The following IFI16 variants were observed in gnomAD, a reference collection of about 807,000 sequenced individuals.
IFI16 encodes interferon gamma inducible protein 16, also known as gamma-interferon-inducible protein 16.
IFI16 carries 49 observed loss-of-function variants against 68.4 expected under a neutral mutation model. The observed-to-expected ratio is 0.72, with a 90% CI of 0.57 to 0.91. The LOEUF (loss-of-function observed/expected upper bound fraction) is 0.91, where lower values mean the gene tolerates loss of function less well. Among genes scored for constraint, IFI16 ranks in the 40% least tolerant of loss-of-function variants. The probability of loss-of-function intolerance (pLI) is 0.00; values close to 1 mark genes in which losing one functional copy is unlikely to be tolerated. For synonymous variants in IFI16, 307 were observed against 315.0 expected, an observed-to-expected ratio of 0.97 and a Z score of 0.27; for missense variants, 878 against 942.9, an observed-to-expected ratio of 0.93 and a Z score of 0.90.
chr1:159,036,187 C>T (rs1633266), intron 7 of IFI16, among the ~76,000 whole-genome samples: 115,554 of 152,118 alleles, frequency 0.76, 45,657 homozygotes, highest in Admixed American at 0.87. Context: ...GGTTTTAAAA[C>T]CTGTATTCTT....
chr1:159,011,084 T>C (rs73021847), intron 1 of IFI16, among the ~76,000 whole-genome samples: 14,546 of 152,180 alleles, frequency 0.096, 1,165 homozygotes, highest in East Asian at 0.33. Context: ...TCTCCTATTA[T>C]AAAGTTTGCT....
upstream of IFI16, among the ~76,000 whole-genome samples, chr1:159,004,950 A>G (rs1652198429): frequency 6.6e-6 from 1 of 152,212 alleles, no homozygotes; most frequent in Admixed American, 6.5e-5. Flanking sequence ...GAGAAGTAGA[A>G]ACTATCAATG....
intron 6 of IFI16, among the ~76,000 whole-genome samples, chr1:159,023,156 GA>G (rs1227987835): frequency 2.0e-5 from 3 of 152,014 alleles, no homozygotes; most frequent in Non-Finnish European, 4.4e-5. Context: ...TATTATTTTA[GA>G]AAAAGAGTTA....
chr1:159,025,127 G>T (rs1417567964), intron 6 of IFI16, among the ~76,000 whole-genome samples: 1 of 152,154 alleles, frequency 6.6e-6, no homozygotes, highest in Non-Finnish European at 1.5e-5. Flanking sequence ...TGGAAAATAA[G>T]CATATAATTT....
At chr1:159,015,798 T>G (rs1652880685) in intron 2 of IFI16, 74 bp from the exon 3 acceptor site, 1 of 1,095,710 alleles carries the variant, frequency 9.1e-7, no homozygotes, top group African/African-American at 1.6e-5. Context: ...TTGAAACTGC[T>G]TCAGCTGTCG....
At chr1:159,021,640 A>T (rs757467626) in intron 6 of IFI16, among the ~76,000 whole-genome samples, 3 of 152,216 alleles carry the variant, frequency 2.0e-5, no homozygotes, top group Non-Finnish European at 4.4e-5. Context: ...GCTGGATCAA[A>T]TGGTAGATCT....
chr1:159,000,249 G>A, exon 1 of IFI16: 1 of 259,080 alleles, frequency 3.9e-6, no homozygotes, highest in Non-Finnish European at 8.2e-6. Flanking sequence ...AACCTATCCA[G>A]TTCCTCATCG....
chr1:159,005,137 A>G (rs140749112), upstream of IFI16, among the ~76,000 whole-genome samples: 244 of 152,306 alleles, frequency 1.6e-3, no homozygotes, highest in African/African-American at 5.7e-3. Context: ...ATGTGAGGAC[A>G]CAGCAAGAAG....
intron 8 of IFI16, among the ~76,000 whole-genome samples, chr1:159,047,199 C>T (rs565492569): frequency 4.0e-5 from 6 of 151,298 alleles, no homozygotes; most frequent in Non-Finnish European, 7.4e-5. Flanking sequence ...GGTTGCGGAC[C>T]CGAGCACCAT....
Position 159,032,244 on chromosome 1 carries a change from A to G in IFI16, c.1162-280A>G, listed in dbSNP as rs528918132. 5.9e-5 allele frequency among the ~76,000 whole-genome samples: 9 copies of G among 152,324 alleles called. No individual in the cohort carries two copies. In the South Asian group the frequency reaches 1.7e-3, roughly 28 times the overall value. On this transcript the variant is annotated intron_variant, in intron 6 of 11. Coordinates refer to ENST00000295809, the MANE Select transcript of IFI16 (RefSeq NM_001376587.1). ...AAGACAGGTAAAAAGCAGCCCTCCA[A>G]CAAGCTGGCTTTTGTCATAAAGACA...
At chr1:159,047,853 G>C (rs756129631) in intron 8 of IFI16, among the ~76,000 whole-genome samples, 1 of 150,910 alleles carries the variant, frequency 6.6e-6, no homozygotes, top group Non-Finnish European at 1.5e-5. Flanking sequence ...GTATCCTGAA[G>C]TGAACAGTAC....
intron 7 of IFI16, among the ~76,000 whole-genome samples, chr1:159,037,025 G>A (rs189380555): frequency 2.0e-5 from 3 of 152,280 alleles, no homozygotes; most frequent in Admixed American, 6.5e-5. Context: ...ATGACTGTTT[G>A]CCATCTTGCT....
In IFI16 at chr1:159,054,988, C is replaced by T. The variant is rs896000694; in HGVS notation, c.*87C>T. The T allele has an allele frequency of 2.2e-5, 15 of 672,210 alleles. No homozygotes were observed. Among genetic ancestry groups the T allele is most frequent in the African/African-American group, 3.6e-5 (2 of 55,970 alleles). The allele number at this position is 672,210 out of a possible 1,614,324, so 41.6% of individuals were successfully genotyped here. A position where few individuals can be genotyped will look rare whatever the true frequency, so the allele number is the denominator to read the frequency against. On this transcript the variant is annotated 3_prime_UTR_variant, in exon 12 of 12. Transcript: ENST00000295809. ...ACATATACCTGGTTGAAATACAACA[C>T]TATACATACACACCACCATATATAC...
chr1:159,004,241 A>T (rs1652170053), upstream of IFI16, among the ~76,000 whole-genome samples: 2 of 152,138 alleles, frequency 1.3e-5, no homozygotes, highest in South Asian at 2.1e-4. Context: ...TGGGAGGCTG[A>T]GGTAGGTAGA....
At position 159,032,560 on chromosome 1, in the gene IFI16, A is replaced by G. The variant is rs1244897159; in HGVS notation, c.1198A>G (p.Lys400Glu). Reference protein sequence around the residue: ...KKTNPRNNDPKSMKLPQEQRQ... With the variant: ...KKTNPRNNDPESMKLPQEQRQ... ...AACAAACCCGAGAAACAATGACCCC[A>G]AGAGCATGAAGCTACCCCAGGAACA... The change falls in exon 7 of 12, where the codon AAG (lysine) becomes GAG (glutamate). Residue 400 changes from lysine to glutamate, a missense_variant. This residue lies in a region of IFI16 where 443 missense variants were observed against 421.8 expected (regional missense o/e 1.05). Coordinates refer to ENST00000295809, the MANE Select transcript of IFI16 (RefSeq NM_001376587.1). 6.2e-7 allele frequency: 1 copy of G among 1,609,450 alleles called. No individual in the cohort carries two copies. Among genetic ancestry groups the G allele is most frequent in the Non-Finnish European group, 8.5e-7 (1 of 1,177,866 alleles).
chr1:159,050,286 G>A (rs1218343513), intron 9 of IFI16, among the ~76,000 whole-genome samples: 2 of 152,044 alleles, frequency 1.3e-5, no homozygotes, highest in African/African-American at 4.8e-5. Flanking sequence ...GCTTTATGTT[G>A]TTTCCAGTAT....
At chr1:159,047,230 C>T (rs1432633059) in intron 8 of IFI16, among the ~76,000 whole-genome samples, 3 of 151,354 alleles carry the variant, frequency 2.0e-5, no homozygotes, top group African/African-American at 7.3e-5. Context: ...CAGTTGAGAA[C>T]AGGCTTTCTA....
chr1:159,009,542 C>T (rs1652415240), upstream of IFI16, among the ~76,000 whole-genome samples: 1 of 152,108 alleles, frequency 6.6e-6, no homozygotes, highest in African/African-American at 2.4e-5. Flanking sequence ...ATTTGAGCAT[C>T]ATTTAAGGGA....
At chr1:159,050,105 T>A (rs1189923229) in intron 9 of IFI16, among the ~76,000 whole-genome samples, 1 of 152,256 alleles carries the variant, frequency 6.6e-6, no homozygotes, top group Non-Finnish European at 1.5e-5. Flanking sequence ...ACAAAGAGTC[T>A]TATTTTCTCT....
Sources: gnomAD v4.1 joint callset for allele counts (sites outside exome capture counted in the v4.1 genomes callset) on GRCh38, gnomAD v4.1.1 for gene constraint, gnomAD v4.1.1 regional missense constraint, MANE v1.5 for transcripts, NCBI Gene and HGNC (gene_info 2026-07-23, HGNC 2026-07-21) for gene names.